The following ROBO2 variants were observed in gnomAD, a reference collection of about 807,000 sequenced individuals.
ROBO2 encodes roundabout guidance receptor 2.
A neutral mutation model predicts 160.8 loss-of-function variants in ROBO2; 53 were observed. That is an observed-to-expected ratio of 0.33 (90% CI 0.26 to 0.41). The LOEUF (loss-of-function observed/expected upper bound fraction) is 0.41, where lower values mean the gene tolerates loss of function less well. Ranked by LOEUF, ROBO2 falls within the 10% of genes least tolerant of loss-of-function variation. ROBO2 has a pLI of 1.00. For synonymous variants in ROBO2, 664 were observed against 611.7 expected (o/e 1.09, Z -1.26); for missense variants, 1,577 against 1,722.4 (o/e 0.92, Z 1.49).
chr3:77,324,634 G>T (rs1277763978), intron 2 of ROBO2, among the ~76,000 whole-genome samples: 2 of 140,362 alleles, frequency 1.4e-5, no homozygotes, highest in African/African-American at 5.8e-5. Flanking sequence ...AAAAAAATTA[G>T]CCGGGTGCAG....
intron 2 of ROBO2, among the ~76,000 whole-genome samples, chr3:76,620,642 C>A (rs1247844476): frequency 6.6e-6 from 1 of 151,984 alleles, no homozygotes; most frequent in Non-Finnish European, 1.5e-5. Context: ...CCAATAGATA[C>A]AAAGTTATGA....
chr3:76,079,356 A>G lies in ROBO2; in HGVS notation c.109+141754A>G, dbSNP rs141812589. 4.0e-3 allele frequency among the ~76,000 whole-genome samples: 613 copies of G among 152,280 alleles called. 4 individuals are homozygous for G. Among genetic ancestry groups the G allele is most frequent in the Non-Finnish European group, 7.4e-3 (500 of 68,016 alleles). On this transcript the variant is annotated intron_variant, in intron 2 of 26. Coordinates refer to the ROBO2 transcript ENST00000487694. The stretch of plus-strand genomic sequence containing the variant: ...GCTTGAGGTGATGAATATCCCAATA[A>G]CCCTCATTTGATCATTAAACATTGT...
intron 2 of ROBO2, among the ~76,000 whole-genome samples, chr3:77,162,215 T>G (rs1227183212): frequency 1.3e-5 from 2 of 152,294 alleles, no homozygotes; most frequent in East Asian, 3.9e-4. Flanking sequence ...TAAAACAGCT[T>G]AAGAACAAAT....
At chr3:76,702,183 T>C (rs2093059705) in intron 2 of ROBO2, among the ~76,000 whole-genome samples, 1 of 152,046 alleles carries the variant, frequency 6.6e-6, no homozygotes, top group African/African-American at 2.4e-5. Flanking sequence ...ATTAGAAACA[T>C]AATTGCTTAC....
At chr3:77,501,898 T>A (rs1218988287) in intron 5 of ROBO2, among the ~76,000 whole-genome samples, 1 of 152,154 alleles carries the variant, frequency 6.6e-6, no homozygotes, top group African/African-American at 2.4e-5. Flanking sequence ...AGGCTTTTAT[T>A]GTTAAAAAGC....
intron 2 of ROBO2, among the ~76,000 whole-genome samples, chr3:76,214,028 A>T (rs911791623): frequency 3.9e-5 from 6 of 152,308 alleles, no homozygotes; most frequent in African/African-American, 1.4e-4. Flanking sequence ...TCACAGATGC[A>T]CCCAGGAATA....
At chr3:76,829,151 C>G (rs2066845818) in intron 2 of ROBO2, among the ~76,000 whole-genome samples, 1 of 152,130 alleles carries the variant, frequency 6.6e-6, no homozygotes, top group East Asian at 1.9e-4. Context: ...GCTTTTTCTT[C>G]TTCAACCCAC....
At chr3:75,932,397 G>A (rs544876626) in intron 1 of ROBO2, among the ~76,000 whole-genome samples, 2 of 152,276 alleles carry the variant, frequency 1.3e-5, no homozygotes, top group East Asian at 3.9e-4. Flanking sequence ...TGTGAAATCT[G>A]TTTATCTATA....
At position 76,676,664 on chromosome 3, in the gene ROBO2, G is replaced by T. The variant is rs965196548; in HGVS notation, c.110-421350G>T. The stretch of plus-strand genomic sequence containing the variant: ...TTCAATACCCAAGTAGGAATAGCCT[G>T]ATTTCATGCCATGCCCCAAGTGTTC... On this transcript the variant is annotated intron_variant, in intron 2 of 26. Transcript: ENST00000487694. Among the ~76,000 whole-genome samples the T allele has an allele frequency of 4.7e-5, 7 of 147,774 alleles. 1 individual carries two copies. The South Asian group carries it at 1.5e-3, about 32-fold the overall frequency.
chr3:76,407,340 A>G (rs1275758513), intron 2 of ROBO2, among the ~76,000 whole-genome samples: 2 of 151,906 alleles, frequency 1.3e-5, no homozygotes, highest in Non-Finnish European at 2.9e-5. Flanking sequence ...CATATTGTTT[A>G]GGTGTTTGTT....
At chr3:76,776,353 T>C (rs2062257662) in intron 2 of ROBO2, among the ~76,000 whole-genome samples, 1 of 151,180 alleles carries the variant, frequency 6.6e-6, no homozygotes, top group East Asian at 2.0e-4. Context: ...TTTATGTTTT[T>C]AAATTTCTTA....
At chr3:76,622,323 G>A (rs68098169) in intron 2 of ROBO2, among the ~76,000 whole-genome samples, 45,470 of 136,070 alleles carry the variant, frequency 0.33, 10,068 homozygotes, top group Middle Eastern at 0.42. Context: ...AACATAGCCA[G>A]GTGTAGTGGT....
chr3:76,836,471 C>A, intron 2 of ROBO2, among the ~76,000 whole-genome samples: 1 of 148,158 alleles, frequency 6.7e-6, no homozygotes, highest in Admixed American at 6.8e-5. Context: ...TAAAAAAAGA[C>A]TTTGGGGGGG....
intron 2 of ROBO2, among the ~76,000 whole-genome samples, chr3:76,246,009 T>C (rs1394596043): frequency 6.6e-6 from 1 of 152,176 alleles, no homozygotes; most frequent in Non-Finnish European, 1.5e-5. Flanking sequence ...GGTACATATA[T>C]ATGCTTTTTG....
chr3:76,448,591 A>G (rs1196630505), intron 2 of ROBO2, among the ~76,000 whole-genome samples: 1 of 152,146 alleles, frequency 6.6e-6, no homozygotes, highest in Non-Finnish European at 1.5e-5. Flanking sequence ...AACTGTTACT[A>G]AACAGTTCCA....
intron 2 of ROBO2, among the ~76,000 whole-genome samples, chr3:76,322,203 TAATATAC>T (rs1324307552): frequency 5.2e-5 from 6 of 116,076 alleles, no homozygotes; most frequent in African/African-American, 2.1e-4. Flanking sequence ...TATATATATA[TAATATAC>T]ACACACATAT....
chr3:76,198,627 C>T (rs1702374340), intron 2 of ROBO2, among the ~76,000 whole-genome samples: 1 of 152,138 alleles, frequency 6.6e-6, no homozygotes, highest in Admixed American at 6.5e-5. Context: ...CACTCTAGCA[C>T]CTTTTAAAGG....
intron 2 of ROBO2, among the ~76,000 whole-genome samples, chr3:77,002,009 A>G (rs965864206): frequency 6.6e-6 from 1 of 152,136 alleles, no homozygotes; most frequent in Admixed American, 6.5e-5. Context: ...TAAGTTTACT[A>G]TATTATTGGA....
At chr3:77,642,200 G>C (rs73116511) in intron 24 of ROBO2, among the ~76,000 whole-genome samples, 15,419 of 152,198 alleles carry the variant, frequency 0.1, 993 homozygotes, top group Middle Eastern at 0.2. Context: ...TGTTGCATAT[G>C]ACACGGCATA....
Sources: allele counts gnomAD v4.1 joint callset (sites outside exome capture counted in the v4.1 genomes callset), GRCh38; gene constraint gnomAD v4.1.1; transcripts MANE v1.5; gene names NCBI Gene and HGNC (gene_info 2026-07-23, HGNC 2026-07-21).